Variants in SPAG17 observed in about 807,000 individuals in gnomAD.
SPAG17 encodes the protein sperm associated antigen 17.
Under a neutral mutation model 273.6 loss-of-function variants are expected in SPAG17, and 169 were observed. The observed-to-expected ratio is 0.62, with a 90% CI of 0.55 to 0.70. SPAG17 has a LOEUF of 0.70. SPAG17 is among the 30% of genes least tolerant of loss of function. The pLI, the probability that SPAG17 is intolerant of heterozygous loss-of-function variation, is 0.00. For synonymous variants in SPAG17, 825 were observed against 873.2 expected (o/e 0.94, Z 0.97); for missense variants, 2,557 against 2,627.8 (o/e 0.97, Z 0.59).
chr1:118,111,553 AAC>A (rs61266210), intron 4 of SPAG17, among the ~76,000 whole-genome samples: 193 of 135,922 alleles, frequency 1.4e-3, no homozygotes, highest in Middle Eastern at 3.8e-3. Flanking sequence ...CTTTTAAAAC[AAC>A]ACACACACAC....
At chr1:118,037,022 A>G (rs12119700) in intron 23 of SPAG17, 139 bp from the exon 24 acceptor site, 6 of 618,482 alleles carry the variant, frequency 9.7e-6, no homozygotes, top group African/African-American at 1.8e-5. Context: ...TAGCTTGACC[A>G]TGCACTCAGG....
At chr1:118,088,853 C>A (rs1295877595) in intron 10 of SPAG17, among the ~76,000 whole-genome samples, 1 of 152,082 alleles carries the variant, frequency 6.6e-6, no homozygotes. Flanking sequence ...AACTCCAACA[C>A]CCATTCAATA....
intron 3 of SPAG17, among the ~76,000 whole-genome samples, chr1:118,147,697 A>T (rs1217706590): frequency 2.0e-5 from 3 of 152,218 alleles, no homozygotes; most frequent in African/African-American, 7.2e-5. Context: ...GTTTCAGGGG[A>T]AATTACACAA....
At chr1:118,122,935 A>G (rs1657502543) in intron 3 of SPAG17, among the ~76,000 whole-genome samples, 1 of 152,190 alleles carries the variant, frequency 6.6e-6, no homozygotes, top group African/African-American at 2.4e-5. Flanking sequence ...ATTTATTATC[A>G]ACTGGCCATA....
At chr1:118,096,252 A>G (rs934425858) in intron 7 of SPAG17, among the ~76,000 whole-genome samples, 1 of 152,080 alleles carries the variant, frequency 6.6e-6, no homozygotes, top group Non-Finnish European at 1.5e-5. Flanking sequence ...AGGTAATAGA[A>G]CCAGGGACAC....
intron 44 of SPAG17, 84 bp downstream of exon 44, chr1:117,973,341 G>A: frequency 2.0e-6 from 3 of 1,508,448 alleles, no homozygotes; most frequent in Admixed American, 3.9e-5. Context: ...TCTACAAAAG[G>A]AGCAGGATTG....
At chr1:118,163,653 A>G (rs186633452) in intron 1 of SPAG17, among the ~76,000 whole-genome samples, 13 of 144,256 alleles carry the variant, frequency 9.0e-5, no homozygotes, top group Non-Finnish European at 7.5e-5. Flanking sequence ...TTTCCTCTCT[A>G]TCCCTACTTC....
chr1:118,043,492 G>A (rs575502410), intron 20 of SPAG17, among the ~76,000 whole-genome samples: 36 of 152,170 alleles, frequency 2.4e-4, no homozygotes, highest in African/African-American at 7.0e-4. Flanking sequence ...TTACCACAAC[G>A]TAAGTATTTT....
chr1:118,066,677 G>A, intron 18 of SPAG17, 68 bp downstream of exon 18: 1 of 1,380,838 alleles, frequency 7.2e-7, no homozygotes, highest in South Asian at 1.3e-5. Flanking sequence ...TAACACCTAA[G>A]TAACTAAGTA....
chr1:118,139,102 A>C (rs1658521590), intron 3 of SPAG17, among the ~76,000 whole-genome samples: 1 of 152,188 alleles, frequency 6.6e-6, no homozygotes, highest in African/African-American at 2.4e-5. Flanking sequence ...CAAAAAAGTC[A>C]ATTAAAAAAT....
At position 118,185,115 on chromosome 1, in the gene SPAG17, A is replaced by AACT. The variant is rs748486086; in HGVS notation, c.40_42dup (p.Ser15dup). 99 of 1,614,044 alleles carry AACT rather than the reference A, an allele frequency of 6.1e-5. No individual in the cohort carries two copies. The Admixed American group carries it at 1.5e-3, about 24-fold the overall frequency. ...ATGAGCGAGGGTTCCCATATCTTAGAACTGGTGTTCACAGTTCCTCCTTTC... is the reference window on the plus strand; with the variant it reads ...ATGAGCGAGGGTTCCCATATCTTAGAACTACTGGTGTTCACAGTTCCTCCTTTC... On this transcript the variant is annotated inframe_insertion, in exon 1 of 49. Coordinates refer to ENST00000336338, the MANE Select transcript of SPAG17 (RefSeq NM_206996.4).
At chr1:118,161,736 C>T (rs1020200561) in intron 1 of SPAG17, among the ~76,000 whole-genome samples, 13 of 152,002 alleles carry the variant, frequency 8.6e-5, no homozygotes, top group Non-Finnish European at 1.8e-4. Flanking sequence ...AGGGTTTCAC[C>T]GTGTTAGCCA....
intron 25 of SPAG17, among the ~76,000 whole-genome samples, chr1:118,029,450 G>T (rs1243336416): frequency 6.6e-6 from 1 of 152,086 alleles, no homozygotes; most frequent in African/African-American, 2.4e-5. Context: ...ATTTTTTGGT[G>T]TATTCTTACA....
intron 3 of SPAG17, among the ~76,000 whole-genome samples, chr1:118,136,828 TG>T (rs1658393081): frequency 6.6e-5 from 10 of 151,994 alleles, no homozygotes; most frequent in East Asian, 1.9e-4. Flanking sequence ...TGTGTGTGTG[TG>T]TGTTTTTAAT....
At chr1:118,097,627 T>C (rs777326760) in intron 7 of SPAG17, 43 bp downstream of exon 7, 1 of 1,453,594 alleles carries the variant, frequency 6.9e-7, no homozygotes, top group South Asian at 1.5e-5. Context: ...AACCACTGTG[T>C]CACATGTTAA....
intron 4 of SPAG17, among the ~76,000 whole-genome samples, chr1:118,103,200 A>C (rs1351717057): frequency 6.6e-6 from 1 of 152,212 alleles, no homozygotes; most frequent in Non-Finnish European, 1.5e-5. Context: ...AGGTCCAGGG[A>C]AACCGCTCCA....
At position 118,136,833 on chromosome 1, in the gene SPAG17, T is replaced by TGTGTGTG. The variant is rs1553254756; in HGVS notation, c.315+13709_315+13710insCACACAC. 7.6e-4 allele frequency among the ~76,000 whole-genome samples: 105 copies of TGTGTGTG among 137,554 alleles called. 1 individual carries two copies. In the East Asian group the frequency reaches 0.015, roughly 20 times the overall value. The allele number at this position is 137,554 out of a possible 152,430, so 90.2% of individuals were successfully genotyped here. On this transcript the variant is annotated intron_variant, in intron 3 of 48. Coordinates refer to ENST00000336338, the MANE Select transcript of SPAG17 (RefSeq NM_206996.4). ...TGTGTGTGTGTGTGTGTGTGTGTGTTTTTAATGATGGAGGAATCATGAAAT... is the reference window on the plus strand; with the variant it reads ...TGTGTGTGTGTGTGTGTGTGTGTGTTGTGTGTGTTTAATGATGGAGGAATCATGAAAT...
intron 48 of SPAG17, 72 bp from the exon 49 acceptor site, chr1:117,954,121 T>G (rs780773815): frequency 6.3e-7 from 1 of 1,586,906 alleles, no homozygotes; most frequent in Non-Finnish European, 8.6e-7. Flanking sequence ...GTACAGTAAG[T>G]TACAGTATCA....
intron 24 of SPAG17, among the ~76,000 whole-genome samples, chr1:118,034,004 A>T (rs11799352): frequency 0.37 from 56,191 of 151,844 alleles, 11,509 homozygotes; most frequent in Non-Finnish European, 0.46. Flanking sequence ...TGTACCACGA[A>T]TTAATTCATC....
Sources: gnomAD v4.1 joint callset for allele counts (sites outside exome capture counted in the v4.1 genomes callset) on GRCh38, gnomAD v4.1.1 for gene constraint, MANE v1.5 for transcripts, NCBI Gene and HGNC (gene_info 2026-07-23, HGNC 2026-07-21) for gene names.